LTBP1: variants seen among roughly 807,000 people sequenced by gnomAD.
The protein encoded by LTBP1 is latent transforming growth factor beta binding protein 1.
LTBP1 carries 129 observed loss-of-function variants against 207.6 expected under a neutral mutation model. The ratio of observed to expected loss-of-function variants is 0.62; its 90% CI spans 0.54 to 0.72. The LOEUF is 0.72. Among genes scored for constraint, LTBP1 ranks in the 30% least tolerant of loss-of-function variants. The pLI, the probability that LTBP1 is intolerant of heterozygous loss-of-function variation, is 0.00. For synonymous variants in LTBP1, 963 were observed against 833.7 expected, an observed-to-expected ratio of 1.16 and a Z score of -2.67; for missense variants, 2,281 against 2,217.2, an observed-to-expected ratio of 1.03 and a Z score of -0.58.
chr2:32,955,957 A>AT (rs759076756), intron 2 of LTBP1, among the ~76,000 whole-genome samples: 1 of 152,182 alleles, frequency 6.6e-6, no homozygotes, highest in Non-Finnish European at 1.5e-5. Context: ...TGAGTCACAA[A>AT]TTTTTTGGTT....
chr2:33,275,038 G>C lies in LTBP1; in HGVS notation c.2817G>C (p.Leu939Phe). 4.3e-6 allele frequency: 7 copies of C among 1,614,096 alleles called. No homozygotes were observed. Among genetic ancestry groups the C allele is most frequent in the Non-Finnish European group, 5.9e-6 (7 of 1,179,974 alleles). The change falls in exon 17 of 34, where the codon TTG (leucine) becomes TTC (phenylalanine). Residue 939 changes from leucine (L) to phenylalanine (F), a missense_variant. By Grantham distance (22) the Leu-to-Phe change is conservative. This residue lies in a region of LTBP1 where 1,671 missense variants were observed against 1,634.8 expected (regional missense o/e 1.02). Transcript: ENST00000404816. ...GTGAAAACACCGAGGGAAGTTTCTT[G>C]TGCATTTGCCCAGCAGGATTTATGG... is the stretch of plus-strand genomic sequence containing the variant. The part of the protein sequence containing the change: ...GRCENTEGSF[L>F]CICPAGFMAS...
At chr2:33,133,029 G>A (rs1417037580) in intron 4 of LTBP1, among the ~76,000 whole-genome samples, 5 of 152,106 alleles carry the variant, frequency 3.3e-5, no homozygotes, top group Admixed American at 6.5e-5. Flanking sequence ...GCTTTTGTGG[G>A]TAATGAGCTG....
intron 24 of LTBP1, 57 bp from the exon 25 acceptor site, chr2:33,342,781 C>T (rs2094644384): frequency 1.9e-6 from 3 of 1,585,610 alleles, no homozygotes; most frequent in Middle Eastern, 1.7e-4. Flanking sequence ...CCATTAATAT[C>T]TGGTGTTTGT....
intron 3 of LTBP1, among the ~76,000 whole-genome samples, chr2:33,064,925 T>G (rs1301263857): frequency 6.6e-6 from 1 of 152,230 alleles, no homozygotes; most frequent in Non-Finnish European, 1.5e-5. Context: ...TAGCCAGGAC[T>G]GCTAGTGTAA....
rs143952420 is a variant in LTBP1 at position 33,342,187 on chromosome 2, T to G, written c.3731-651T>G. Among the ~76,000 whole-genome samples, 67 of 152,370 alleles carry G rather than the reference T, an allele frequency of 4.4e-4. 1 individual carries two copies. In the East Asian group the frequency reaches 0.01, roughly 24 times the overall value. On this transcript the variant is annotated intron_variant, in intron 24 of 33. Coordinates refer to ENST00000404816, the MANE Select transcript of LTBP1 (RefSeq NM_206943.4). ...ATGAGAAAAAAAGGCAGAAGATCAC[T>G]CTCATCACGTTTATGGAGAACAAAA...
At chr2:33,157,529 A>G (rs1186960711) in intron 5 of LTBP1, among the ~76,000 whole-genome samples, 1 of 152,200 alleles carries the variant, frequency 6.6e-6, no homozygotes, top group South Asian at 2.1e-4. Context: ...AGACCCAGAC[A>G]GGGAGGTTAT....
At chr2:33,325,558 C>G (rs2094415869) in intron 24 of LTBP1, among the ~76,000 whole-genome samples, 1 of 152,106 alleles carries the variant, frequency 6.6e-6, no homozygotes, top group African/African-American at 2.4e-5. Flanking sequence ...ATACGTAAAA[C>G]TATTACATTA....
At chr2:33,393,234 C>CT (rs569734292) in intron 32 of LTBP1, among the ~76,000 whole-genome samples, 848 of 48,752 alleles carry the variant, frequency 0.017, 4 homozygotes, top group East Asian at 0.039. Flanking sequence ...CCTTCTTCTT[C>CT]TTTTTTTTTT....
chr2:33,129,118 T>TG, intron 4 of LTBP1, among the ~76,000 whole-genome samples: 1 of 152,170 alleles, frequency 6.6e-6, no homozygotes, highest in East Asian at 1.9e-4. Context: ...GAGCCAATGA[T>TG]GGGGAAAAAA....
At chr2:33,009,811 G>A (rs75749161) in intron 2 of LTBP1, among the ~76,000 whole-genome samples, 1,860 of 152,292 alleles carry the variant, frequency 0.012, 19 homozygotes, top group Non-Finnish European at 0.017. Flanking sequence ...TTAGAGTTTG[G>A]GGTGGATGGA....
At chr2:33,078,896 G>T (rs1360050619) in intron 3 of LTBP1, among the ~76,000 whole-genome samples, 1 of 110,558 alleles carries the variant, frequency 9.0e-6, no homozygotes, top group East Asian at 2.9e-4. Flanking sequence ...GTCTCGCTCT[G>T]TTGCCAGGCT....
chr2:33,118,739 G>C (rs944567952), intron 4 of LTBP1, among the ~76,000 whole-genome samples: 1 of 152,182 alleles, frequency 6.6e-6, no homozygotes, highest in African/African-American at 2.4e-5. Flanking sequence ...GCAAAGAAAA[G>C]TTCATGAGCA....
intron 31 of LTBP1, among the ~76,000 whole-genome samples, chr2:33,374,422 C>A (rs1003865390): frequency 6.6e-6 from 1 of 152,176 alleles, no homozygotes; most frequent in African/African-American, 2.4e-5. Context: ...TCATTTCAAT[C>A]ATAGATCCTG....
At chr2:33,175,076 C>G (rs1248011561) in intron 5 of LTBP1, among the ~76,000 whole-genome samples, 3 of 152,112 alleles carry the variant, frequency 2.0e-5, no homozygotes, top group Non-Finnish European at 4.4e-5. Flanking sequence ...CTAGGCATTA[C>G]CATTCAGGAC....
chr2:32,950,719 A>G (rs1269542721), intron 2 of LTBP1, among the ~76,000 whole-genome samples: 1 of 152,186 alleles, frequency 6.6e-6, no homozygotes, highest in Non-Finnish European at 1.5e-5. Context: ...CCATCTCAAG[A>G]AAAGAAAAGA....
chr2:33,238,559 G>A (rs1487918313), intron 9 of LTBP1, among the ~76,000 whole-genome samples: 1 of 152,126 alleles, frequency 6.6e-6, no homozygotes, highest in Non-Finnish European at 1.5e-5. Context: ...ATATAGTTCA[G>A]CCCCTCTGTG....
At position 33,033,924 on chromosome 2, in the gene LTBP1, T is replaced by C. The variant is rs570590434; in HGVS notation, c.863+12718T>C. On this transcript the variant is annotated intron_variant, in intron 3 of 33. Coordinates refer to ENST00000404816, the MANE Select transcript of LTBP1 (RefSeq NM_206943.4). ...TTGTATTTCAAAGCGCCTCAGGAGT[T>C]ATCGATGTGATGTGATGAGACTGTT... Among the ~76,000 whole-genome samples, 12 of 152,256 alleles carry C rather than the reference T, an allele frequency of 7.9e-5. No homozygotes were observed. In the East Asian group the frequency reaches 1.5e-3, roughly 20 times the overall value.
chr2:33,396,913 T>C (rs1371132286), intron 32 of LTBP1, among the ~76,000 whole-genome samples: 1 of 152,252 alleles, frequency 6.6e-6, no homozygotes, highest in African/African-American at 2.4e-5. Context: ...AATATCAGAA[T>C]TCAAAATGAG....
Position 33,030,238 on chromosome 2 carries a change from C to T in LTBP1, c.863+9032C>T, listed in dbSNP as rs182251344. Among the ~76,000 whole-genome samples, 180 of 152,164 alleles carry T rather than the reference C, an allele frequency of 1.2e-3. 1 individual carries two copies. Among genetic ancestry groups the T allele is most frequent in the East Asian group, 7.3e-3 (38 of 5,188 alleles). On this transcript the variant is annotated intron_variant, in intron 3 of 33. Coordinates refer to ENST00000404816, the MANE Select transcript of LTBP1 (RefSeq NM_206943.4). ...CTAGGAAGGATGTTCTTAACTCAGA[C>T]GGGAAGAAGACATAGACATTTTGAC... is the stretch of plus-strand genomic sequence containing the variant.
Sources: gnomAD v4.1 joint callset for allele counts (sites outside exome capture counted in the v4.1 genomes callset) on GRCh38, gnomAD v4.1.1 for gene constraint, gnomAD v4.1.1 regional missense constraint, MANE v1.5 for transcripts, NCBI Gene and HGNC (gene_info 2026-07-23, HGNC 2026-07-21) for gene names.